The following FRMPD4 variants were observed in gnomAD, a reference collection of about 807,000 sequenced individuals.
The protein encoded by FRMPD4 is FERM and PDZ domain containing 4, also known as FERM and PDZ domain-containing protein 4.
Under a neutral mutation model 94.1 loss-of-function variants are expected in FRMPD4, and 22 were observed. The ratio of observed to expected loss-of-function variants is 0.23; its 90% confidence interval spans 0.17 to 0.33. The LOEUF is 0.33. Among genes scored for constraint, FRMPD4 ranks in the 10% least tolerant of loss-of-function variants. The pLI is 1.00. For synonymous variants in FRMPD4, 631 were observed against 548.6 expected (o/e 1.15, Z -2.10); for missense variants, 1,111 against 1,339.9 (o/e 0.83, Z 2.67).
intron 4 of FRMPD4, among the ~76,000 whole-genome samples, chrX:12,630,680 C>G (rs1307297150): frequency 8.9e-6 from 1 of 111,781 alleles, no homozygotes; most frequent in Non-Finnish European, 1.9e-5. Flanking sequence ...ATCCACCCCC[C>G]AGGGTGGCTT....
In FRMPD4 at chrX:12,716,964, G is replaced by A; in HGVS notation, c.2505G>A (p.Glu835=). 1 of 1,211,625 alleles carries A rather than the reference G, an allele frequency of 8.3e-7. No individual in the cohort carries two copies. The highest frequency in any genetic ancestry group is 1.1e-6 in the Non-Finnish European group (1 of 895,061). ...SQAASFPEDK[E]KGSSLQNDEI... ...CAGCTTCCTTCCCCGAGGACAAGGA[G>A]AAAGGCAGCAGCCTGCAAAATGATG... The change falls in exon 15 of 17, where the codon GAG becomes GAA. Residue 835 remains glutamate, a synonymous_variant. Coordinates refer to ENST00000675598, the MANE Select transcript of FRMPD4 (RefSeq NM_001368397.1).
intron 3 of FRMPD4, among the ~76,000 whole-genome samples, chrX:11,923,033 C>T (rs1161485432): frequency 2.7e-5 from 3 of 112,825 alleles, no homozygotes; most frequent in Non-Finnish European, 5.6e-5. Context: ...ACCAGTGGAG[C>T]GCTCCAGTGA....
At position 12,244,171 on chromosome X, in the gene FRMPD4, G is replaced by A. The variant is rs900767661; in HGVS notation, c.41+105159G>A. Among the ~76,000 whole-genome samples, 4 of 110,257 alleles carry A rather than the reference G, an allele frequency of 3.6e-5. No homozygotes were observed. The Admixed American group carries it at 3.9e-4, about 11-fold the overall frequency. On this transcript the variant is annotated intron_variant, in intron 1 of 16. Coordinates refer to ENST00000675598, the MANE Select transcript of FRMPD4 (RefSeq NM_001368397.1). ...GAAGCTGCATTTCTTCTTCCAAAGA[G>A]GAGGTATGCCCAGAAACTGCATGAG...
chrX:12,087,760 C>T (rs2055122946), intron 3 of FRMPD4, among the ~76,000 whole-genome samples: 1 of 112,085 alleles, frequency 8.9e-6, no homozygotes, highest in Non-Finnish European at 1.9e-5. Context: ...ATACAATGTT[C>T]TGTATAATTA....
chrX:11,942,034 A>G (rs2054162633), intron 3 of FRMPD4, among the ~76,000 whole-genome samples: 1 of 112,021 alleles, frequency 8.9e-6, no homozygotes, highest in Non-Finnish European at 1.9e-5. Context: ...TAAAGAAATT[A>G]GCTTCTGGTT....
chrX:12,016,641 C>A (rs114316894), intron 3 of FRMPD4, among the ~76,000 whole-genome samples: 2 of 112,205 alleles, frequency 1.8e-5, no homozygotes, highest in African/African-American at 3.2e-5. Context: ...ATCCTTATAA[C>A]TTTAGGTTAA....
At chrX:11,840,009 T>C (rs929413282) in intron 1 of FRMPD4, among the ~76,000 whole-genome samples, 2 of 111,813 alleles carry the variant, frequency 1.8e-5, no homozygotes, top group Admixed American at 1.9e-4. Context: ...TGAAATTGGA[T>C]ATGTAAGTCC....
chrX:11,900,951 A>G (rs1330793820), intron 3 of FRMPD4, among the ~76,000 whole-genome samples: 1 of 110,936 alleles, frequency 9.0e-6, no homozygotes, highest in Admixed American at 9.5e-5. Flanking sequence ...CCCCATGGCC[A>G]CCACATCAGT....
chrX:12,157,283 C>T (rs945222169), intron 1 of FRMPD4, among the ~76,000 whole-genome samples: 2 of 112,026 alleles, frequency 1.8e-5, no homozygotes, highest in African/African-American at 6.5e-5. Flanking sequence ...TTGAAAAACA[C>T]GAGGGTTGTG....
intron 1 of FRMPD4, among the ~76,000 whole-genome samples, chrX:12,263,278 T>G (rs749043176): frequency 8.1e-5 from 9 of 111,323 alleles, no homozygotes; most frequent in African/African-American, 2.9e-4. Flanking sequence ...AACTCCTTAG[T>G]CCCCCTGGTA....
At chrX:12,256,429 A>G (rs2054115549) in intron 1 of FRMPD4, among the ~76,000 whole-genome samples, 1 of 112,193 alleles carries the variant, frequency 8.9e-6, no homozygotes, top group Non-Finnish European at 1.9e-5. Flanking sequence ...GCCAATAATC[A>G]AGACTTATGT....
Position 12,716,638 on chromosome X carries a change from G to C in FRMPD4, c.2179G>C (p.Ala727Pro). Residue 727 changes from alanine (A) to proline (P), a missense_variant, in exon 15 of 17, where the codon GCC becomes CCC. Physicochemically the swap from Ala to Pro is conservative, Grantham distance 27. This residue lies in a region of FRMPD4 where 192 missense variants were observed against 192.5 expected (regional missense o/e 1.00). Coordinates refer to ENST00000675598, the MANE Select transcript of FRMPD4 (RefSeq NM_001368397.1). ...ANIGDVKSFQ[A>P]AEGIEEPLLH... The stretch of plus-strand genomic sequence containing the variant: ...CATAGGCGATGTGAAGAGCTTCCAG[G>C]CCGCGGAGGGGATCGAGGAACCCCT... 1 of 1,210,618 alleles carries C rather than the reference G, an allele frequency of 8.3e-7. No individual in the cohort carries two copies. Among genetic ancestry groups the C allele is most frequent in the African/African-American group, 1.7e-5 (1 of 57,722 alleles).
intron 1 of FRMPD4, among the ~76,000 whole-genome samples, chrX:12,440,180 G>A (rs889135502): frequency 8.9e-6 from 1 of 112,080 alleles, no homozygotes; most frequent in African/African-American, 3.2e-5. Flanking sequence ...AGATAATGAT[G>A]TAGTATAAGT....
At chrX:11,961,067 C>T (rs1396253763) in intron 3 of FRMPD4, among the ~76,000 whole-genome samples, 1 of 111,791 alleles carries the variant, frequency 8.9e-6, no homozygotes, top group African/African-American at 3.3e-5. Context: ...TTGGAATTTT[C>T]TAACTGTTCT....
chrX:12,654,703 C>G (rs1299491543), intron 4 of FRMPD4, among the ~76,000 whole-genome samples: 1 of 111,427 alleles, frequency 9.0e-6, no homozygotes, highest in African/African-American at 3.3e-5. Flanking sequence ...GGCTAAGAAT[C>G]ACTGCTTCCC....
intron 1 of FRMPD4, among the ~76,000 whole-genome samples, chrX:12,468,251 G>A (rs1219394631): frequency 8.9e-6 from 1 of 112,080 alleles, no homozygotes; most frequent in Non-Finnish European, 1.9e-5. Context: ...TTTTTGTCAG[G>A]AATAAATAAG....
chrX:12,108,066 C>T (rs879127547), intron 3 of FRMPD4, among the ~76,000 whole-genome samples: 1 of 111,390 alleles, frequency 9.0e-6, no homozygotes, highest in African/African-American at 3.3e-5. Context: ...TCAGGAAACA[C>T]AGAGAACGCC....
intron 1 of FRMPD4, among the ~76,000 whole-genome samples, chrX:12,430,175 AG>A (rs199778461): frequency 0.33 from 36,787 of 111,642 alleles, 5,051 homozygotes; most frequent in East Asian, 0.53. Context: ...AAAAAAGCTA[AG>A]GGTTGTTCTT....
intron 1 of FRMPD4, among the ~76,000 whole-genome samples, chrX:12,423,489 TGA>T (rs1159198956): frequency 8.9e-6 from 1 of 111,770 alleles, no homozygotes; most frequent in African/African-American, 3.3e-5. Context: ...GTGGGGATTA[TGA>T]GCTTTAAGCT....
Sources: allele counts gnomAD v4.1 joint callset (sites outside exome capture counted in the v4.1 genomes callset), GRCh38; gene constraint gnomAD v4.1.1; regional missense constraint gnomAD v4.1.1; transcripts MANE v1.5; gene names NCBI Gene and HGNC (gene_info 2026-07-23, HGNC 2026-07-21).